Variants in PRKDC observed in about 807,000 individuals in gnomAD.
PRKDC encodes the protein DNA-dependent protein kinase catalytic subunit.
A neutral mutation model predicts 486.9 loss-of-function variants in PRKDC; 82 were observed. That is an observed-to-expected ratio of 0.17 (90% CI 0.14 to 0.20). The LOEUF (loss-of-function observed/expected upper bound fraction) is 0.20, where lower values mean the gene tolerates loss of function less well. PRKDC is among the 10% of genes least tolerant of loss of function. The pLI is 1.00. For synonymous variants in PRKDC, 1,895 were observed against 1,837.0 expected (o/e 1.03, Z -0.81); for missense variants, 4,504 against 5,038.2 (o/e 0.89, Z 3.21).
At chr8:47,804,925 C>CTA (rs2087188579) in intron 69 of PRKDC, among the ~76,000 whole-genome samples, 4 of 152,130 alleles carry the variant, frequency 2.6e-5, no homozygotes, top group Admixed American at 2.6e-4. Flanking sequence ...CCACATCCGG[C>CTA]TAATTTTTGT....
intron 64 of PRKDC, 139 bp from the exon 65 acceptor site, chr8:47,821,931 T>A (rs1206380585): frequency 2.4e-6 from 2 of 844,474 alleles, no homozygotes; most frequent in African/African-American, 3.5e-5. Flanking sequence ...AAAGAGAAGC[T>A]ATTCAGAGTA....
At chr8:47,946,545 C>A (rs1019973173) in intron 7 of PRKDC, among the ~76,000 whole-genome samples, 5 of 152,094 alleles carry the variant, frequency 3.3e-5, no homozygotes, top group Admixed American at 3.3e-4. Flanking sequence ...CCACCGGATG[C>A]GAGGCAGCCC....
rs1337953968 is a variant in PRKDC, at chr8:47,789,268, A to G, written c.10671-30T>C. ...TTAAAAAAATTTACAAAGTTTAGGCAATCAAATATCTTCCAAAAATCAATA... is the reference window on the plus strand; with the variant it reads ...TTAAAAAAATTTACAAAGTTTAGGCGATCAAATATCTTCCAAAAATCAATA... On this transcript the variant is annotated intron_variant, in intron 74 of 85. Coordinates refer to ENST00000314191, the MANE Select transcript of PRKDC (RefSeq NM_006904.7). 3 of 1,347,200 alleles carry G rather than the reference A, an allele frequency of 2.2e-6. No homozygotes were observed. The Admixed American group carries it at 7.1e-5, about 32-fold the overall frequency. The allele number at this position is 1,347,200 out of a possible 1,614,324, so 83.5% of individuals were successfully genotyped here. A position where few individuals can be genotyped will look rare whatever the true frequency, so the allele number is the denominator to read the frequency against.
At chr8:47,927,004 A>T in intron 21 of PRKDC, 190 bp downstream of exon 21, 2 of 610,386 alleles carry the variant, frequency 3.3e-6, no homozygotes, top group South Asian at 5.3e-5. Flanking sequence ...AAATTTTTTA[A>T]TACCTCAACT....
rs561802145 is a variant in PRKDC at position 47,826,634 on chromosome 8, G to A, written c.8783+22C>T. ...TTGGTCAAATCCAGTGTGCTCCCAA[G>A]AGCACCTGACCTCACACTTACTTAG... is the stretch of plus-strand genomic sequence containing the variant. On this transcript the variant is annotated intron_variant, in intron 63 of 85. Coordinates refer to ENST00000314191, the MANE Select transcript of PRKDC (RefSeq NM_006904.7). The A allele has an allele frequency of 5.6e-6, 9 of 1,593,530 alleles. No individual in the cohort carries two copies. The South Asian group carries it at 6.7e-5, about 12-fold the overall frequency.
chr8:47,921,201 G>A (rs2090064548), intron 21 of PRKDC, among the ~76,000 whole-genome samples: 2 of 151,802 alleles, frequency 1.3e-5, no homozygotes, highest in Non-Finnish European at 2.9e-5. Flanking sequence ...CTTGCAGTGA[G>A]CCAAGATCAC....
intron 54 of PRKDC, among the ~76,000 whole-genome samples, chr8:47,843,849 G>A (rs1017246084): frequency 8.5e-5 from 13 of 152,328 alleles, no homozygotes; most frequent in African/African-American, 3.1e-4. Context: ...GAAACATTAA[G>A]GGAATTTGTT....
chr8:47,820,946 A>G lies in PRKDC; in HGVS notation c.9112-3T>C. ...ATCATGTAAGGTAGATATGTTTCCT[A>G]AGGAACATAAAAATATACTTGTAAC... On this transcript the variant is annotated splice_polypyrimidine_tract_variant and splice_region_variant and intron_variant, in intron 65 of 85. Coordinates refer to ENST00000314191, the MANE Select transcript of PRKDC (RefSeq NM_006904.7). 1.9e-6 allele frequency: 3 copies of G among 1,543,236 alleles called. No homozygotes were observed. Among genetic ancestry groups the G allele is most frequent in the Non-Finnish European group, 1.8e-6 (2 of 1,140,440 alleles).
intron 43 of PRKDC, 74 bp downstream of exon 43, chr8:47,862,299 T>TGTAA (rs2088696032): frequency 3.4e-6 from 5 of 1,466,544 alleles, no homozygotes; most frequent in Non-Finnish European, 3.7e-6. Context: ...ATAAATTATC[T>TGTAA]GTAAGTTTGA....
At chr8:47,885,875 G>C in intron 36 of PRKDC, 69 bp downstream of exon 36, 1 of 1,489,248 alleles carries the variant, frequency 6.7e-7, no homozygotes, top group Non-Finnish European at 9.3e-7. Context: ...CTGGGCGAAA[G>C]TGCAAGACTC....
intron 56 of PRKDC, among the ~76,000 whole-genome samples, chr8:47,838,092 T>C (rs2088066515): frequency 6.6e-6 from 1 of 152,066 alleles, no homozygotes; most frequent in South Asian, 2.1e-4. Context: ...GCTGAAATCA[T>C]GCTACTGCAC....
At chr8:47,808,691 TAATTTTATTTCTATTAATATTA>T (rs901723155) in intron 68 of PRKDC, among the ~76,000 whole-genome samples, 26 of 152,184 alleles carry the variant, frequency 1.7e-4, no homozygotes, top group African/African-American at 6.3e-4. Flanking sequence ...TCTGTCCAAG[TAATTTTATTTCTATTAATATTA>T]GTAACACTGA....
intron 54 of PRKDC, among the ~76,000 whole-genome samples, chr8:47,848,471 G>A (rs1458389333): frequency 1.3e-5 from 2 of 152,088 alleles, no homozygotes; most frequent in African/African-American, 4.8e-5. Flanking sequence ...AACAGACACT[G>A]GGGAACAGAA....
intron 38 of PRKDC, among the ~76,000 whole-genome samples, chr8:47,879,863 CAG>C (rs1280189912): frequency 6.0e-5 from 6 of 100,206 alleles, no homozygotes; most frequent in African/African-American, 1.6e-4. Flanking sequence ...TTTTTTGAGA[CAG>C]AGTCTCACTC....
intron 67 of PRKDC, among the ~76,000 whole-genome samples, 152 bp from the exon 68 acceptor site, chr8:47,817,713 A>G (rs183469255): frequency 5.3e-4 from 80 of 152,370 alleles, no homozygotes; most frequent in African/African-American, 1.6e-3. Context: ...TTACCATACT[A>G]AATTTAATAT....
At chr8:47,867,415 T>C (rs1364253554) in intron 40 of PRKDC, among the ~76,000 whole-genome samples, 5 of 152,242 alleles carry the variant, frequency 3.3e-5, no homozygotes, top group Non-Finnish European at 7.3e-5. Flanking sequence ...CTAATTGGTG[T>C]AATAACCACA....
intron 58 of PRKDC, among the ~76,000 whole-genome samples, chr8:47,835,955 A>T (rs1184253128): frequency 2.0e-5 from 3 of 152,072 alleles, no homozygotes; most frequent in African/African-American, 7.2e-5. Flanking sequence ...TTTTGTAGAG[A>T]TGGAGTCTTT....
In PRKDC at chr8:47,880,128, C is replaced by T. The variant is rs2089180806; in HGVS notation, c.5068-470G>A. Reference sequence around the variant, plus strand: ...CCTCCCAAAATGTTGCGATTACAGGCGTGAGCCACCGCACCCAGCCTATAC... The same window carrying T: ...CCTCCCAAAATGTTGCGATTACAGGTGTGAGCCACCGCACCCAGCCTATAC... On this transcript the variant is annotated intron_variant, in intron 38 of 85. Coordinates refer to ENST00000314191, the MANE Select transcript of PRKDC (RefSeq NM_006904.7). 2.6e-5 allele frequency among the ~76,000 whole-genome samples: 4 copies of T among 152,212 alleles called. 1 individual carries two copies. In the South Asian group the frequency reaches 8.3e-4, roughly 32 times the overall value.
intron 5 of PRKDC, 80 bp downstream of exon 5, chr8:47,954,258 G>A: frequency 1.6e-6 from 1 of 622,144 alleles, no homozygotes; most frequent in Non-Finnish European, 2.4e-6. Flanking sequence ...CCTTGGTAGA[G>A]AAAACCTAAG....
Sources: allele counts gnomAD v4.1 joint callset (sites outside exome capture counted in the v4.1 genomes callset), GRCh38; gene constraint gnomAD v4.1.1; transcripts MANE v1.5; gene names NCBI Gene and HGNC (gene_info 2026-07-23, HGNC 2026-07-21).